The following UBE2D3 variants were observed in gnomAD, a reference collection of about 807,000 sequenced individuals.
UBE2D3 encodes the protein ubiquitin conjugating enzyme E2 D3, also known as ubiquitin-conjugating enzyme E2 D3.
A neutral mutation model predicts 22.8 loss-of-function variants in UBE2D3; 2 were observed. The ratio of observed to expected loss-of-function variants is 0.09; its 90% CI spans 0.04 to 0.28. The LOEUF (loss-of-function observed/expected upper bound fraction) is 0.28, where lower values mean the gene tolerates loss of function less well. Among genes scored for constraint, UBE2D3 ranks in the 10% least tolerant of loss-of-function variants. The pLI is 1.00. For missense variants in UBE2D3, 27 were observed against 182.5 expected, an observed-to-expected ratio of 0.15 and a Z score of 4.91; for synonymous variants, 56 against 60.4, an observed-to-expected ratio of 0.93 and a Z score of 0.34.
chr4:102,846,231 C>T (rs1291691391), intron 1 of UBE2D3, among the ~76,000 whole-genome samples: 1 of 152,170 alleles, frequency 6.6e-6, no homozygotes, highest in Non-Finnish European at 1.5e-5. Flanking sequence ...TTCAGAGCTC[C>T]TAGGAAATAG....
chr4:102,817,234 T>C (rs1317475447), intron 2 of UBE2D3, among the ~76,000 whole-genome samples: 1 of 152,222 alleles, frequency 6.6e-6, no homozygotes, highest in Non-Finnish European at 1.5e-5. Flanking sequence ...AGGCAGGTTA[T>C]GACTTGATCT....
At chr4:102,819,114 T>C (rs140879035) in intron 2 of UBE2D3, among the ~76,000 whole-genome samples, 1 of 152,164 alleles carries the variant, frequency 6.6e-6, no homozygotes, top group South Asian at 2.1e-4. Context: ...GCGGATCACC[T>C]GAGGTCAGGA....
At chr4:102,827,805 G>C, upstream of UBE2D3, 1 of 986,374 alleles carries the variant, frequency 1.0e-6, no homozygotes, top group Non-Finnish European at 1.2e-6. Flanking sequence ...GCTGGGGGGA[G>C]GGTGAACGAG....
At chr4:102,852,319 G>T (rs1485171464) in intron 1 of UBE2D3, among the ~76,000 whole-genome samples, 2 of 152,148 alleles carry the variant, frequency 1.3e-5, no homozygotes, top group Non-Finnish European at 2.9e-5. Flanking sequence ...GAGAGAAAAA[G>T]AAATTTACAT....
chr4:102,856,675 TATC>T (rs1194700602), intron 1 of UBE2D3, among the ~76,000 whole-genome samples: 4 of 152,232 alleles, frequency 2.6e-5, no homozygotes, highest in Admixed American at 6.5e-5. Flanking sequence ...CCTCAGAAGT[TATC>T]ATTTTTCTAG....
intron 2 of UBE2D3, among the ~76,000 whole-genome samples, chr4:102,821,661 T>C (rs187026886): frequency 6.6e-6 from 1 of 152,258 alleles, no homozygotes; most frequent in African/African-American, 2.4e-5. Flanking sequence ...TAAACAAGTA[T>C]AACTGGATTG....
chr4:102,867,693 G>A lies in UBE2D3; in HGVS notation c.-129+1022C>T, dbSNP rs574380951. Among the ~76,000 whole-genome samples, 4 of 152,210 alleles carry A rather than the reference G, an allele frequency of 2.6e-5. No individual in the cohort carries two copies. In the East Asian group the frequency reaches 7.7e-4, roughly 29 times the overall value. Reference sequence around the variant, plus strand: ...ACACGCCTGTAAACCCAGCTACTTGGAAGGCTGAGGCAGAAGGATCCCTTA... The same window carrying A: ...ACACGCCTGTAAACCCAGCTACTTGAAAGGCTGAGGCAGAAGGATCCCTTA... On this transcript the variant is annotated intron_variant, in intron 1 of 7. Coordinates refer to the UBE2D3 transcript ENST00000338145.
At chr4:102,826,159 G>A (rs1730438732) in intron 2 of UBE2D3, among the ~76,000 whole-genome samples, 2 of 151,848 alleles carry the variant, frequency 1.3e-5, no homozygotes, top group Admixed American at 1.3e-4. Flanking sequence ...GCGTCTCTCC[G>A]CAATTCGGAC....
At position 102,811,687 on chromosome 4, in the gene UBE2D3, A is replaced by G. The variant is rs201343598; in HGVS notation, c.25-1832T>C. ...ACTGTCTCAAAAACAACAAAAAAAA[A>G]ACCCCAGAAAAGCTGAACGTACTCA... On this transcript the variant is annotated intron_variant, in intron 2 of 7. Coordinates refer to ENST00000453744, the MANE Select transcript of UBE2D3 (RefSeq NM_181891.3). The G allele has an allele frequency of 7.8e-6, 3 of 384,808 alleles. No individual in the cohort carries two copies. In the Admixed American group the frequency reaches 1.1e-4, roughly 15 times the overall value. The allele number at this position is 384,808 out of a possible 1,614,324, so 23.8% of individuals were successfully genotyped here.
At chr4:102,819,577 T>C (rs754254571) in intron 2 of UBE2D3, 6 of 985,380 alleles carry the variant, frequency 6.1e-6, no homozygotes, top group Non-Finnish European at 6.0e-6. Flanking sequence ...GTCAACCCTA[T>C]TAAAGCGTAA....
chr4:102,825,878 G>T (rs1730385480), intron 2 of UBE2D3: 1 of 437,602 alleles, frequency 2.3e-6, no homozygotes, highest in Admixed American at 2.5e-5. Flanking sequence ...ACAGGAAGTG[G>T]CAACACTGTG....
chr4:102,821,297 A>T (rs1402425190), intron 2 of UBE2D3, among the ~76,000 whole-genome samples: 2 of 152,130 alleles, frequency 1.3e-5, no homozygotes, highest in African/African-American at 4.8e-5. Context: ...CAGTATAGAA[A>T]ATTTATTTTA....
intron 2 of UBE2D3, chr4:102,810,074 G>C (rs1294818013): frequency 4.2e-6 from 2 of 480,752 alleles, no homozygotes; most frequent in Non-Finnish European, 7.5e-6. Flanking sequence ...CAAACACATT[G>C]ATACAAAATT....
intron 2 of UBE2D3, chr4:102,819,548 T>C (rs1276786288): frequency 3.0e-6 from 3 of 985,136 alleles, no homozygotes; most frequent in Non-Finnish European, 3.6e-6. Context: ...GTAGCATTTA[T>C]GAAAACAAGG....
At position 102,809,722 on chromosome 4, in the gene UBE2D3, C is replaced by T. The variant is rs1330383436; in HGVS notation, c.89-19G>A. 6.2e-7 allele frequency: 1 copy of T among 1,611,926 alleles called. No individual in the cohort carries two copies. The highest frequency in any genetic ancestry group is 1.7e-5 in the Admixed American group (1 of 59,518). On this transcript the variant is annotated intron_variant, in intron 3 of 7. Coordinates refer to ENST00000453744, the MANE Select transcript of UBE2D3 (RefSeq NM_181891.3). ...TGAAACACTAGAAAAAGAAAAAAAA[C>T]TCTGGTTATCTAAAAATGCACAAGC...
At chr4:102,826,666 C>G in intron 1 of UBE2D3, 30 bp from the exon 2 acceptor site, 1 of 1,527,612 alleles carries the variant, frequency 6.5e-7, no homozygotes, top group Non-Finnish European at 8.7e-7. Flanking sequence ...GATCAGCACT[C>G]GCACAGGCCC....
chr4:102,851,554 A>T lies in UBE2D3; in HGVS notation c.-129+17161T>A, dbSNP rs112103078. Among the ~76,000 whole-genome samples the T allele has an allele frequency of 2.1e-3, 316 of 152,270 alleles. 1 individual carries two copies. Among genetic ancestry groups the T allele is most frequent in the African/African-American group, 7.4e-3 (307 of 41,562 alleles). Reference sequence around the variant, plus strand: ...TAGGAAACAGAGTCCCTTTTCCATTACCTAGCTCACCTATTTACTCTGTTG... The same window carrying T: ...TAGGAAACAGAGTCCCTTTTCCATTTCCTAGCTCACCTATTTACTCTGTTG... On this transcript the variant is annotated intron_variant, in intron 1 of 7. Transcript: ENST00000338145.
chr4:102,819,370 A>C (rs1294578331), intron 2 of UBE2D3, among the ~76,000 whole-genome samples: 1 of 152,104 alleles, frequency 6.6e-6, no homozygotes, highest in Non-Finnish European at 1.5e-5. Context: ...AAGAGCTTAT[A>C]AATTGGAAAT....
chr4:102,860,701 C>A (rs550888995), intron 1 of UBE2D3, among the ~76,000 whole-genome samples: 2 of 152,048 alleles, frequency 1.3e-5, no homozygotes, highest in South Asian at 4.2e-4. Context: ...TTCTCTAGTG[C>A]AGTGCCTCAG....
Sources: allele counts gnomAD v4.1 joint callset (sites outside exome capture counted in the v4.1 genomes callset), GRCh38; gene constraint gnomAD v4.1.1; transcripts MANE v1.5; gene names NCBI Gene and HGNC (gene_info 2026-07-23, HGNC 2026-07-21).